Variants in EPHX4 observed in about 807,000 individuals in gnomAD.
The protein encoded by EPHX4 is epoxide hydrolase 4.
Under a neutral mutation model 44.9 loss-of-function variants are expected in EPHX4, and 31 were observed. The observed-to-expected ratio is 0.69, with a 90% CI of 0.52 to 0.93. The LOEUF (loss-of-function observed/expected upper bound fraction) is 0.93, where lower values mean the gene tolerates loss of function less well. Among genes scored for constraint, EPHX4 ranks in the 40% least tolerant of loss-of-function variants. The pLI is 0.00. For synonymous variants in EPHX4, 151 were observed against 159.7 expected (o/e 0.95, Z 0.41); for missense variants, 373 against 438.1 (o/e 0.85, Z 1.33).
At chr1:92,060,385 G>A (rs907041980) in intron 6 of EPHX4, among the ~76,000 whole-genome samples, 2 of 151,434 alleles carry the variant, frequency 1.3e-5, no homozygotes, top group African/African-American at 4.9e-5. Context: ...GCATCATGAT[G>A]ATGATGATGG....
At chr1:92,056,589 C>G (rs1250232895) in intron 6 of EPHX4, among the ~76,000 whole-genome samples, 2 of 151,346 alleles carry the variant, frequency 1.3e-5, no homozygotes. Context: ...TATCTTTGAT[C>G]TGATGAAAAA....
intron 6 of EPHX4, among the ~76,000 whole-genome samples, chr1:92,057,513 A>C (rs1445896413): frequency 6.6e-6 from 1 of 152,230 alleles, no homozygotes. Context: ...ATAGCAAACC[A>C]ATATGAGTTT....
chr1:92,041,658 T>A (rs1688510049), intron 2 of EPHX4, among the ~76,000 whole-genome samples: 1 of 152,224 alleles, frequency 6.6e-6, no homozygotes, highest in Non-Finnish European at 1.5e-5. Flanking sequence ...ATCCATTTAT[T>A]ATCTAGAAAT....
intron 3 of EPHX4, among the ~76,000 whole-genome samples, chr1:92,044,396 A>G (rs1433893866): frequency 6.6e-6 from 1 of 152,190 alleles, no homozygotes; most frequent in East Asian, 1.9e-4. Flanking sequence ...AGATTTATGC[A>G]TGTGTGTTTA....
At chr1:92,032,448 A>C (rs1688375530) in intron 1 of EPHX4, 57 bp from the exon 2 acceptor site, 1 of 1,290,702 alleles carries the variant, frequency 7.7e-7, no homozygotes, top group Admixed American at 1.8e-5. Context: ...AATGCTAAAT[A>C]TATTGCTTTG....
At chr1:92,054,172 G>A (rs181640342) in intron 6 of EPHX4, among the ~76,000 whole-genome samples, 3 of 152,260 alleles carry the variant, frequency 2.0e-5, no homozygotes, top group Non-Finnish European at 2.9e-5. Flanking sequence ...GTGTTAACAT[G>A]CCTTAGGCTG....
At chr1:92,062,885 T>C (rs1647530180) in intron 6 of EPHX4, among the ~76,000 whole-genome samples, 170 bp from the exon 7 acceptor site, 1 of 152,148 alleles carries the variant, frequency 6.6e-6, no homozygotes, top group Admixed American at 6.5e-5. Context: ...ATATCCATGC[T>C]TTATATATGC....
At chr1:92,059,128 A>G (rs12057625) in intron 6 of EPHX4, among the ~76,000 whole-genome samples, 3,356 of 152,312 alleles carry the variant, frequency 0.022, 125 homozygotes, top group African/African-American at 0.077. Flanking sequence ...TTTCTTTCAA[A>G]AATAAAGAAT....
chr1:92,041,762 C>T (rs1362898660), intron 2 of EPHX4, among the ~76,000 whole-genome samples: 2 of 152,092 alleles, frequency 1.3e-5, no homozygotes, highest in Admixed American at 6.6e-5. Flanking sequence ...CTTATTTGGC[C>T]AGGTGCAGTG....
intron 6 of EPHX4, among the ~76,000 whole-genome samples, chr1:92,056,640 C>T (rs2391112): frequency 6.7e-6 from 1 of 150,232 alleles, no homozygotes; most frequent in East Asian, 1.9e-4. Flanking sequence ...AATACACATT[C>T]TTTTCTTTTT....
chr1:92,041,046 C>CT (rs1688501447), intron 2 of EPHX4, among the ~76,000 whole-genome samples: 1 of 151,518 alleles, frequency 6.6e-6, no homozygotes, highest in Non-Finnish European at 1.5e-5. Flanking sequence ...AAATCCATGT[C>CT]TTTTTTTTCT....
intron 2 of EPHX4, among the ~76,000 whole-genome samples, chr1:92,035,898 G>A (rs565454693): frequency 6.6e-6 from 1 of 152,260 alleles, no homozygotes; most frequent in East Asian, 1.9e-4. Context: ...AGAAAGTCAG[G>A]TGTCCCTTGT....
Position 92,030,004 on chromosome 1 carries a change from C to A in EPHX4, c.-76C>A. Reference sequence around the variant, plus strand: ...GGAGGCGCGCGTCGAGAGGCGACGGCGGGCTGGCCTGGCGCGCTGCGGCGC... The same window carrying A: ...GGAGGCGCGCGTCGAGAGGCGACGGAGGGCTGGCCTGGCGCGCTGCGGCGC... On this transcript the variant is annotated 5_prime_UTR_variant, in exon 1 of 7. Transcript: ENST00000370383. 2.8e-6 allele frequency: 3 copies of A among 1,062,084 alleles called. No homozygotes were observed. Among genetic ancestry groups the A allele is most frequent in the Non-Finnish European group, 2.4e-6 (2 of 826,170 alleles). The allele number at this position is 1,062,084 out of a possible 1,614,324, so 65.8% of individuals were successfully genotyped here.
intron 4 of EPHX4, among the ~76,000 whole-genome samples, chr1:92,049,133 G>C (rs746961296): frequency 6.6e-6 from 1 of 151,884 alleles, no homozygotes; most frequent in African/African-American, 2.4e-5. Flanking sequence ...ACATGATCAG[G>C]CTTCTGCTTT....
At chr1:92,030,439 G>T (rs563846633) in intron 1 of EPHX4, 129 bp downstream of exon 1, 1 of 672,084 alleles carries the variant, frequency 1.5e-6, no homozygotes, top group Non-Finnish European at 2.3e-6. Context: ...GGGGAGGAGG[G>T]GTTGGGTCCC....
At position 92,032,493 on chromosome 1, in the gene EPHX4, C is replaced by T. The variant is rs759292966; in HGVS notation, c.232-12C>T. On this transcript the variant is annotated splice_polypyrimidine_tract_variant and intron_variant, in intron 1 of 6. Transcript: ENST00000370383. ...ACAAACATCACTAAAATTCCATGCC[C>T]TCTACTTTCAGGATTCAGGGTTAAG... The T allele has an allele frequency of 1.1e-5, 17 of 1,608,830 alleles. No homozygotes were observed. The highest frequency in any genetic ancestry group is 1.4e-5 in the Non-Finnish European group (17 of 1,175,544).
At chr1:92,038,435 A>G (rs1022862170) in intron 2 of EPHX4, among the ~76,000 whole-genome samples, 3 of 152,200 alleles carry the variant, frequency 2.0e-5, no homozygotes, top group African/African-American at 4.8e-5. Flanking sequence ...TTCTAGCACT[A>G]TCATTATTCA....
chr1:92,047,644 AG>A (rs1688600885), intron 4 of EPHX4, among the ~76,000 whole-genome samples: 1 of 152,190 alleles, frequency 6.6e-6, no homozygotes. Flanking sequence ...GTAATTAATT[AG>A]TTAGTTTGCC....
In EPHX4 at chr1:92,050,344, T is replaced by A; in HGVS notation, c.632T>A (p.Leu211Gln). 2 of 1,606,156 alleles carry A rather than the reference T, an allele frequency of 1.2e-6. No individual in the cohort carries two copies. The highest frequency in any genetic ancestry group is 1.1e-5 in the South Asian group (1 of 89,612). Reference sequence around the variant, plus strand: ...TATATTTTACGACACCCTGCTCAGCTGTTGAAATCCAGTTATTATTACTTC... The same window carrying A: ...TATATTTTACGACACCCTGCTCAGCAGTTGAAATCCAGTTATTATTACTTC... ...TEYILRHPAQ[L>Q]LKSSYYYFFQ... The change falls in exon 5 of 7, where the codon CTG (leucine) becomes CAG (glutamine). Residue 211 changes from leucine to glutamine, a missense_variant. Physicochemically the swap from Leu to Gln is moderately radical, Grantham distance 113. Transcript: ENST00000370383.
Sources: gnomAD v4.1 joint callset for allele counts (sites outside exome capture counted in the v4.1 genomes callset) on GRCh38, gnomAD v4.1.1 for gene constraint, MANE v1.5 for transcripts, NCBI Gene and HGNC (gene_info 2026-07-23, HGNC 2026-07-21) for gene names.